The following COL26A1 variants were observed in gnomAD, a reference collection of about 807,000 sequenced individuals.
COL26A1 encodes collagen type XXVI alpha 1 chain, also known as collagen alpha-1(XXVI) chain.
In COL26A1, 41 loss-of-function variants were observed where a neutral mutation model predicts 59.3. The observed-to-expected ratio is 0.69, with a 90% CI of 0.54 to 0.90. COL26A1 has a LOEUF of 0.90. COL26A1 is among the 40% of genes least tolerant of loss of function. The pLI, the probability that COL26A1 is intolerant of heterozygous loss-of-function variation, is 0.00. For synonymous variants in COL26A1, 266 were observed against 256.0 expected, an observed-to-expected ratio of 1.04 and a Z score of -0.37; for missense variants, 612 against 602.3, an observed-to-expected ratio of 1.02 and a Z score of -0.17.
intron 2 of COL26A1, among the ~76,000 whole-genome samples, chr7:101,447,349 A>G (rs2130377071): frequency 6.6e-6 from 1 of 152,280 alleles, no homozygotes; most frequent in East Asian, 1.9e-4. Flanking sequence ...TGGGAAAGAG[A>G]TATTATCAAT....
intron 3 of COL26A1, among the ~76,000 whole-genome samples, chr7:101,473,297 T>C (rs1793950018): frequency 1.3e-5 from 2 of 151,764 alleles, no homozygotes; most frequent in Admixed American, 6.6e-5. Context: ...CGCATGGTCT[T>C]GATCTCCTGA....
chr7:101,376,768 G>A (rs1254021947), intron 1 of COL26A1, among the ~76,000 whole-genome samples: 3 of 152,352 alleles, frequency 2.0e-5, no homozygotes, highest in East Asian at 3.9e-4. Flanking sequence ...ATCATCCCCA[G>A]ATGTGATTGA....
chr7:101,440,888 A>G (rs571888669), intron 2 of COL26A1, among the ~76,000 whole-genome samples: 32 of 151,968 alleles, frequency 2.1e-4, no homozygotes, highest in African/African-American at 7.5e-4. Flanking sequence ...GAGGCAGGAG[A>G]ATTGCTTGAA....
At chr7:101,443,485 C>T (rs768814409) in intron 2 of COL26A1, among the ~76,000 whole-genome samples, 6 of 152,194 alleles carry the variant, frequency 3.9e-5, no homozygotes, top group Non-Finnish European at 8.8e-5. Context: ...CCAAACGTCG[C>T]GCCTGCTGCT....
intron 12 of COL26A1, among the ~76,000 whole-genome samples, chr7:101,556,870 T>A (rs762491380): frequency 2.6e-5 from 4 of 151,480 alleles, no homozygotes; most frequent in African/African-American, 4.9e-5. Flanking sequence ...AATGGATAGA[T>A]GCATAGATAA....
chr7:101,390,882 A>C (rs555043075), intron 1 of COL26A1, among the ~76,000 whole-genome samples: 1 of 152,126 alleles, frequency 6.6e-6, no homozygotes, highest in Non-Finnish European at 1.5e-5. Context: ...CTGTGTGGGG[A>C]GGGGGCCTTG....
intron 3 of COL26A1, among the ~76,000 whole-genome samples, chr7:101,494,144 T>C (rs1794531125): frequency 6.6e-6 from 1 of 150,738 alleles, no homozygotes; most frequent in Non-Finnish European, 1.5e-5. Flanking sequence ...TTTTGTTTTG[T>C]TTTGTTTGAG....
intron 1 of COL26A1, among the ~76,000 whole-genome samples, chr7:101,375,083 A>AT (rs1791282562): frequency 6.6e-6 from 1 of 151,922 alleles, no homozygotes; most frequent in East Asian, 1.9e-4. Flanking sequence ...TTTTAAATAA[A>AT]TAAAAAAAAA....
chr7:101,391,418 A>G (rs758426718), intron 1 of COL26A1, among the ~76,000 whole-genome samples: 74 of 152,276 alleles, frequency 4.9e-4, no homozygotes, highest in Non-Finnish European at 9.4e-4. Flanking sequence ...CCTAGGACCT[A>G]GAGAAGGTCC....
At chr7:101,401,771 A>AGAAGAG (rs1554405769) in intron 1 of COL26A1, among the ~76,000 whole-genome samples, 66 of 148,226 alleles carry the variant, frequency 4.5e-4, no homozygotes, top group Middle Eastern at 3.6e-3. Flanking sequence ...AGGAGGGAGA[A>AGAAGAG]GAGGAGGAGG....
chr7:101,384,230 GTTTTTTT>G (rs35085221), intron 1 of COL26A1, among the ~76,000 whole-genome samples: 2 of 105,684 alleles, frequency 1.9e-5, no homozygotes, highest in Non-Finnish European at 3.6e-5. Context: ...GTTCAGGCTG[GTTTTTTT>G]TTTTTTTTTT....
At chr7:101,409,680 G>A (rs1792199941) in intron 1 of COL26A1, among the ~76,000 whole-genome samples, 1 of 152,238 alleles carries the variant, frequency 6.6e-6, no homozygotes, top group Non-Finnish European at 1.5e-5. Flanking sequence ...TTGCAGCAGA[G>A]AAAGCATTTA....
chr7:101,470,579 A>G (rs1169675211), intron 3 of COL26A1, among the ~76,000 whole-genome samples: 1 of 150,596 alleles, frequency 6.6e-6, no homozygotes, highest in Non-Finnish European at 1.5e-5. Context: ...CTCTGCCTAA[A>G]TAATCTCTTT....
intron 3 of COL26A1, among the ~76,000 whole-genome samples, chr7:101,524,729 C>T (rs1211735013): frequency 6.6e-6 from 1 of 152,072 alleles, no homozygotes; most frequent in African/African-American, 2.4e-5. Flanking sequence ...TTTCTATTTG[C>T]TTGTCGTAGG....
intron 2 of COL26A1, among the ~76,000 whole-genome samples, chr7:101,429,525 A>G (rs994091654): frequency 2.0e-5 from 3 of 150,932 alleles, no homozygotes; most frequent in African/African-American, 7.3e-5. Context: ...TGGCTATATA[A>G]TAAGTTTTGA....
intron 1 of COL26A1, among the ~76,000 whole-genome samples, chr7:101,390,292 A>G (rs911208433): frequency 6.6e-6 from 1 of 151,352 alleles, no homozygotes; most frequent in Non-Finnish European, 1.5e-5. Flanking sequence ...AGTAGCTGGA[A>G]TTACAGGTGT....
At chr7:101,376,866 A>C (rs553668287) in intron 1 of COL26A1, among the ~76,000 whole-genome samples, 17 of 151,818 alleles carry the variant, frequency 1.1e-4, no homozygotes, top group East Asian at 3.9e-4. Flanking sequence ...TATTTTCTTT[A>C]TTTATTTTTT....
intron 3 of COL26A1, among the ~76,000 whole-genome samples, chr7:101,529,975 C>T (rs1359779496): frequency 1.3e-5 from 2 of 152,112 alleles, no homozygotes; most frequent in Admixed American, 6.6e-5. Context: ...CTGACCCTCT[C>T]CCCACCAGTA....
rs781285545 is a variant in COL26A1 at position 101,534,652 on chromosome 7, TATACAC to T, written c.447+1511_447+1516del. On this transcript the variant is annotated intron_variant, in intron 4 of 12. Transcript: ENST00000313669. ...ATGCATGTCAATGGGCACACATACA[TATACAC>T]ACACACACACACACACACATGACAC... Among the ~76,000 whole-genome samples, 152 of 113,528 alleles carry T rather than the reference TATACAC, an allele frequency of 1.3e-3. 1 individual carries two copies. Among genetic ancestry groups the T allele is most frequent in the African/African-American group, 5.6e-3 (139 of 24,650 alleles). 74.5% of individuals were successfully genotyped at this position (113,528 alleles called of 152,430 possible). A position where few individuals can be genotyped will look rare whatever the true frequency, so the allele number is the denominator to read the frequency against.
Sources: allele counts gnomAD v4.1 joint callset (sites outside exome capture counted in the v4.1 genomes callset), GRCh38; gene constraint gnomAD v4.1.1; transcripts MANE v1.5; gene names NCBI Gene and HGNC (gene_info 2026-07-23, HGNC 2026-07-21).